Variants in AP3B1 observed in about 807,000 individuals in gnomAD.
AP3B1 encodes the protein adaptor related protein complex 3 subunit beta 1.
In AP3B1, 61 loss-of-function variants were observed where a neutral mutation model predicts 132.5. That is an observed-to-expected ratio of 0.46 (90% CI 0.37 to 0.57). The LOEUF is 0.57. AP3B1 is among the 20% of genes least tolerant of loss of function. AP3B1 has a pLI of 0.00. For synonymous variants in AP3B1, 388 were observed against 438.3 expected, an observed-to-expected ratio of 0.89 and a Z score of 1.43; for missense variants, 1,120 against 1,289.4, an observed-to-expected ratio of 0.87 and a Z score of 2.01.
intron 15 of AP3B1, among the ~76,000 whole-genome samples, chr5:78,133,207 A>G (rs1294881736): frequency 6.6e-6 from 1 of 152,206 alleles, no homozygotes; most frequent in Non-Finnish European, 1.5e-5. Flanking sequence ...ACCTCCAGCA[A>G]AGCAAAAGAC....
chr5:78,011,062 G>C (rs999511868), intron 26 of AP3B1, among the ~76,000 whole-genome samples: 290 of 47,842 alleles, frequency 6.1e-3, no homozygotes, highest in African/African-American at 0.024. Flanking sequence ...TTTTTTTTTT[G>C]AGATGGAGTC....
At chr5:78,285,246 C>T (rs1421597817) in intron 1 of AP3B1, among the ~76,000 whole-genome samples, 1 of 137,466 alleles carries the variant, frequency 7.3e-6, no homozygotes, top group Non-Finnish European at 1.6e-5. Flanking sequence ...AAGACTCTGT[C>T]TCAAAAAAAA....
chr5:78,184,030 T>TG (rs1744490788), intron 7 of AP3B1, among the ~76,000 whole-genome samples: 1 of 150,986 alleles, frequency 6.6e-6, no homozygotes, highest in African/African-American at 2.4e-5. Flanking sequence ...TAGCCAGGCA[T>TG]GGTGGTGGAC....
At chr5:78,244,301 T>G (rs1178816453) in intron 2 of AP3B1, among the ~76,000 whole-genome samples, 1 of 151,920 alleles carries the variant, frequency 6.6e-6, no homozygotes, top group Non-Finnish European at 1.5e-5. Context: ...TAATCCCAGT[T>G]ACTTGGGAGG....
chr5:78,061,279 AAGAC>A (rs1177607711), intron 22 of AP3B1, among the ~76,000 whole-genome samples: 1 of 152,206 alleles, frequency 6.6e-6, no homozygotes, highest in African/African-American at 2.4e-5. Flanking sequence ...AGATAAAAAA[AAGAC>A]AGACATTAAT....
In AP3B1 at chr5:78,067,952, C is replaced by CAA. The variant is rs557591388; in HGVS notation, c.2577+21440_2577+21441insTT. On this transcript the variant is annotated intron_variant, in intron 22 of 26. Coordinates refer to ENST00000255194, the MANE Select transcript of AP3B1 (RefSeq NM_003664.5). The stretch of plus-strand genomic sequence containing the variant: ...GGAGACAGACACATGAAAAACCCTT[C>CAA]GAAAAAAAAAAAATCAATGAATCCA... Among the ~76,000 whole-genome samples, 328 of 126,584 alleles carry CAA rather than the reference C, an allele frequency of 2.6e-3. 11 individuals are homozygous for CAA. In the South Asian group the frequency reaches 0.047, roughly 18 times the overall value. The allele number at this position is 126,584 out of a possible 152,430, so 83.0% of individuals were successfully genotyped here.
Position 78,037,866 on chromosome 5 carries a change from G to A in AP3B1, c.2809+1177C>T, listed in dbSNP as rs147364001. On this transcript the variant is annotated intron_variant, in intron 23 of 26. Transcript: ENST00000255194. Reference sequence around the variant, plus strand: ...GAAGCTTCTCTCAACTAAACCTTAGGGTTATCTCCACTTACAAAAACCAAA... The same window carrying A: ...GAAGCTTCTCTCAACTAAACCTTAGAGTTATCTCCACTTACAAAAACCAAA... Among the ~76,000 whole-genome samples the A allele has an allele frequency of 6.6e-5, 10 of 152,030 alleles. No homozygotes were observed. The East Asian group carries it at 1.5e-3, about 23-fold the overall frequency.
rs867632865 is a variant in AP3B1, at chr5:78,125,291, G to C, written c.1968+2739C>G. Among the ~76,000 whole-genome samples, 40 of 152,208 alleles carry C rather than the reference G, an allele frequency of 2.6e-4. No homozygotes were observed. In the South Asian group the frequency reaches 8.1e-3, roughly 31 times the overall value. On this transcript the variant is annotated intron_variant, in intron 17 of 26. Transcript: ENST00000255194. ...TATCCTATATCCTAGAAATGGTGGTGTGTAATTCAAAGTGACTTCTACTGT... is the reference window on the plus strand; with the variant it reads ...TATCCTATATCCTAGAAATGGTGGTCTGTAATTCAAAGTGACTTCTACTGT...
intron 6 of AP3B1, among the ~76,000 whole-genome samples, chr5:78,218,391 C>T (rs537974326): frequency 1.1e-4 from 16 of 152,176 alleles, no homozygotes; most frequent in Admixed American, 9.8e-4. Flanking sequence ...GCAATGAGCT[C>T]ATCAAATTCA....
chr5:78,169,953 G>C (rs559466221), intron 11 of AP3B1, among the ~76,000 whole-genome samples: 1 of 152,048 alleles, frequency 6.6e-6, no homozygotes, highest in African/African-American at 2.4e-5. Flanking sequence ...TCCCGGCCCT[G>C]TGTCCAAGTG....
intron 22 of AP3B1, among the ~76,000 whole-genome samples, chr5:78,087,167 A>G (rs890289328): frequency 6.6e-6 from 1 of 152,198 alleles, no homozygotes; most frequent in Non-Finnish European, 1.5e-5. Flanking sequence ...GTTGACTTTA[A>G]AATTATAGAT....
chr5:78,171,298 G>T (rs1743904273), intron 11 of AP3B1, among the ~76,000 whole-genome samples: 1 of 152,188 alleles, frequency 6.6e-6, no homozygotes, highest in African/African-American at 2.4e-5. Context: ...GATGGGGAGG[G>T]CATTGAATAT....
At chr5:78,074,874 G>A (rs867921215) in intron 22 of AP3B1, among the ~76,000 whole-genome samples, 4 of 152,028 alleles carry the variant, frequency 2.6e-5, no homozygotes, top group Non-Finnish European at 2.9e-5. Context: ...CGGAGGTTGC[G>A]GTGAGCTGAG....
chr5:78,012,706 T>C (rs574626422), intron 26 of AP3B1, among the ~76,000 whole-genome samples: 1 of 152,336 alleles, frequency 6.6e-6, no homozygotes, highest in East Asian at 1.9e-4. Context: ...CCACTGATGA[T>C]ACGGCTAGAA....
chr5:78,231,808 T>C (rs918614518), intron 3 of AP3B1, among the ~76,000 whole-genome samples: 2 of 152,258 alleles, frequency 1.3e-5, no homozygotes, highest in African/African-American at 4.8e-5. Flanking sequence ...ATGTCTTACA[T>C]AAATTAACTC....
intron 8 of AP3B1, 128 bp downstream of exon 8, chr5:78,181,379 A>G: frequency 1.2e-6 from 1 of 844,828 alleles, no homozygotes; most frequent in Non-Finnish European, 1.9e-6. Flanking sequence ...TATCCATTAC[A>G]TGTCATTTGG....
chr5:78,041,884 G>A (rs1748105700), intron 22 of AP3B1: 2 of 185,342 alleles, frequency 1.1e-5, no homozygotes, highest in African/African-American at 2.4e-5. Context: ...TGCGATCTCA[G>A]CTCACTCAGG....
At chr5:78,170,566 TG>T in intron 11 of AP3B1, among the ~76,000 whole-genome samples, 1 of 152,188 alleles carries the variant, frequency 6.6e-6, no homozygotes, top group East Asian at 1.9e-4. Context: ...TTTTGAGAAG[TG>T]TCTGTTCATA....
chr5:78,043,953 G>A, intron 22 of AP3B1: 1 of 316,848 alleles, frequency 3.2e-6, no homozygotes, highest in South Asian at 3.4e-5. Context: ...TGTCCAACTT[G>A]GAAGGGTTTG....
Sources: allele counts gnomAD v4.1 joint callset (sites outside exome capture counted in the v4.1 genomes callset), GRCh38; gene constraint gnomAD v4.1.1; transcripts MANE v1.5; gene names NCBI Gene and HGNC (gene_info 2026-07-23, HGNC 2026-07-21).